UMAD1: variants seen among roughly 807,000 people sequenced by gnomAD.
UMAD1 encodes the protein UBAP1-MVB12-associated (UMA) domain containing 1, also known as UBAP1-MVB12-associated (UMA)-domain containing protein 1.
UMAD1 carries 8 observed loss-of-function variants against 6.1 expected under a neutral mutation model. That is an observed-to-expected ratio of 1.30 (90% CI 0.76 to 2.35). UMAD1 has a LOEUF of 2.35. UMAD1 is among the 30% of genes most tolerant of loss of function. The probability of loss-of-function intolerance (pLI) is 0.00; values close to 1 mark genes in which losing one functional copy is unlikely to be tolerated. For synonymous variants in UMAD1, 56 were observed against 31.4 expected (o/e 1.78, Z -2.61); for missense variants, 130 against 78.4 (o/e 1.66, Z -2.49).
intron 2 of UMAD1, among the ~76,000 whole-genome samples, chr7:7,708,434 C>T (rs917616221): frequency 6.6e-6 from 1 of 152,092 alleles, no homozygotes; most frequent in Non-Finnish European, 1.5e-5. Context: ...GTCAGTGACC[C>T]TTATTCAATC....
intron 1 of UMAD1, among the ~76,000 whole-genome samples, chr7:7,643,376 C>G (rs1458840547): frequency 6.6e-6 from 1 of 152,182 alleles, no homozygotes; most frequent in East Asian, 1.9e-4. Context: ...GGCAGCCTAT[C>G]CTAAGGAAAG....
chr7:7,736,352 G>A (rs1363900876), intron 2 of UMAD1: 1 of 153,034 alleles, frequency 6.5e-6, no homozygotes, highest in Non-Finnish European at 1.5e-5. Context: ...CTAAAACATG[G>A]ATCTTCAGAT....
At chr7:7,832,527 C>G (rs1184726489) in intron 3 of UMAD1, among the ~76,000 whole-genome samples, 1 of 152,114 alleles carries the variant, frequency 6.6e-6, no homozygotes, top group East Asian at 1.9e-4. Context: ...TGAGGAGACC[C>G]AGAAGATAGT....
intron 2 of UMAD1, among the ~76,000 whole-genome samples, chr7:7,762,287 C>G (rs1382966488): frequency 6.6e-6 from 1 of 152,054 alleles, no homozygotes; most frequent in Non-Finnish European, 1.5e-5. Flanking sequence ...CAGCTTCTAA[C>G]TTGGGAAGTA....
intron 2 of UMAD1, among the ~76,000 whole-genome samples, chr7:7,677,664 G>GTTTTTTT (rs141602455): frequency 1.1e-4 from 13 of 113,492 alleles, no homozygotes; most frequent in South Asian, 2.6e-4. Context: ...CTGTTTTTTT[G>GTTTTTTT]TTTTTTTTTT....
chr7:7,835,916 G>A (rs184805959), intron 3 of UMAD1, among the ~76,000 whole-genome samples: 7 of 152,024 alleles, frequency 4.6e-5, no homozygotes, highest in Non-Finnish European at 1.0e-4. Context: ...ATTTACATAA[G>A]TGGATATTTT....
chr7:7,683,454 T>C (rs1034995642), intron 2 of UMAD1, among the ~76,000 whole-genome samples: 3 of 152,170 alleles, frequency 2.0e-5, no homozygotes, highest in Non-Finnish European at 4.4e-5. Context: ...TGAAAAAGAC[T>C]TCATAAAATA....
At chr7:7,723,990 T>C (rs529286749) in intron 2 of UMAD1, among the ~76,000 whole-genome samples, 16 of 152,272 alleles carry the variant, frequency 1.1e-4, no homozygotes, top group South Asian at 4.1e-4. Flanking sequence ...GAATCATGGC[T>C]CCTCAATCAA....
intron 2 of UMAD1, among the ~76,000 whole-genome samples, chr7:7,799,450 G>C (rs892247997): frequency 6.6e-6 from 1 of 152,198 alleles, no homozygotes. Flanking sequence ...AGAAAGTTTT[G>C]TGTAGATACA....
chr7:7,783,836 A>G, intron 2 of UMAD1, among the ~76,000 whole-genome samples: 1 of 152,212 alleles, frequency 6.6e-6, no homozygotes, highest in Non-Finnish European at 1.5e-5. Flanking sequence ...TTATAAAATG[A>G]TCAGTATACT....
chr7:7,707,762 G>A (rs925835704), intron 2 of UMAD1, among the ~76,000 whole-genome samples: 12 of 152,156 alleles, frequency 7.9e-5, no homozygotes, highest in African/African-American at 2.7e-4. Context: ...TTGGGCATTT[G>A]TAGTCCTTTT....
rs937121282 is a variant in UMAD1 at position 7,877,409 on chromosome 7, G to A, written c.285G>A (p.Pro95=). The change falls in exon 4 of 4, where the codon CCG becomes CCA. Residue 95 remains proline, a synonymous_variant. Coordinates refer to ENST00000682710, the MANE Select transcript of UMAD1 (RefSeq NM_001302348.2). Reference sequence around the variant, plus strand: ...GCGATGTGCCGTTCACCCTGGCCCCGCATGTGCTGGCAGTACAGGGCACCA... The same window carrying A: ...GCGATGTGCCGTTCACCCTGGCCCCACATGTGCTGGCAGTACAGGGCACCA... ...LLSDVPFTLA[P]HVLAVQGTIT... is the part of the protein sequence containing the mutation. 12 of 717,514 alleles carry A rather than the reference G, an allele frequency of 1.7e-5. No individual in the cohort carries two copies. Among genetic ancestry groups the A allele is most frequent in the Admixed American group, 4.0e-5 (2 of 50,002 alleles). The allele number at this position is 717,514 out of a possible 1,614,324, so 44.4% of individuals were successfully genotyped here.
intron 2 of UMAD1, among the ~76,000 whole-genome samples, chr7:7,724,141 G>A (rs1781098288): frequency 6.6e-6 from 1 of 152,104 alleles, no homozygotes; most frequent in Non-Finnish European, 1.5e-5. Context: ...GAGACCTCCA[G>A]CCTTTTATCA....
intron 2 of UMAD1, among the ~76,000 whole-genome samples, chr7:7,711,489 A>T (rs1478956967): frequency 6.6e-6 from 1 of 152,174 alleles, no homozygotes; most frequent in African/African-American, 2.4e-5. Flanking sequence ...TACTTCAAGG[A>T]TATTATACTC....
In UMAD1 at chr7:7,783,733, A is replaced by G. The variant is rs146024231; in HGVS notation, c.83-17937A>G. Reference sequence around the variant, plus strand: ...AAACAAAGCACCAAAGCCAGAAACAATTACACCAGCAGAATACTTAAAAAC... The same window carrying G: ...AAACAAAGCACCAAAGCCAGAAACAGTTACACCAGCAGAATACTTAAAAAC... On this transcript the variant is annotated intron_variant, in intron 2 of 3. Coordinates refer to ENST00000682710, the MANE Select transcript of UMAD1 (RefSeq NM_001302348.2). 1.5e-3 allele frequency among the ~76,000 whole-genome samples: 235 copies of G among 152,358 alleles called. 2 individuals are homozygous for G. The highest frequency in any genetic ancestry group is 5.5e-3 in the African/African-American group (227 of 41,592).
At chr7:7,869,380 G>T (rs57666355) in intron 3 of UMAD1, among the ~76,000 whole-genome samples, 5,866 of 152,298 alleles carry the variant, frequency 0.039, 375 homozygotes, top group African/African-American at 0.13. Context: ...GGCATAGACA[G>T]CCAGAGCTTG....
At chr7:7,747,718 T>C (rs1781598936) in intron 2 of UMAD1, among the ~76,000 whole-genome samples, 2 of 152,200 alleles carry the variant, frequency 1.3e-5, no homozygotes, top group Non-Finnish European at 2.9e-5. Flanking sequence ...TTTCAGGAAA[T>C]GGGAAATCTT....
At chr7:7,787,701 C>T (rs1007805807) in intron 2 of UMAD1, among the ~76,000 whole-genome samples, 1 of 152,156 alleles carries the variant, frequency 6.6e-6, no homozygotes, top group African/African-American at 2.4e-5. Context: ...TTCAAAGGCA[C>T]TATTGACTCC....
chr7:7,784,764 T>C (rs1782426905), intron 2 of UMAD1, among the ~76,000 whole-genome samples: 1 of 135,924 alleles, frequency 7.4e-6, no homozygotes, highest in Non-Finnish European at 1.6e-5. Flanking sequence ...TTCTTTTTTT[T>C]TTTTTTTTTT....
Sources: gnomAD v4.1 joint callset for allele counts (sites outside exome capture counted in the v4.1 genomes callset) on GRCh38, gnomAD v4.1.1 for gene constraint, MANE v1.5 for transcripts, NCBI Gene and HGNC (gene_info 2026-07-23, HGNC 2026-07-21) for gene names.